ROBO1: variants seen among roughly 807,000 people sequenced by gnomAD.
The protein encoded by ROBO1 is roundabout guidance receptor 1, also known as roundabout homolog 1.
In ROBO1, 149 loss-of-function variants were observed where a neutral mutation model predicts 195.9. The ratio of observed to expected loss-of-function variants is 0.76; its 90% confidence interval spans 0.67 to 0.87. The LOEUF is 0.87. Ranked by LOEUF, ROBO1 falls within the 40% of genes least tolerant of loss-of-function variation. The pLI is 0.00. For synonymous variants in ROBO1, 816 were observed against 733.2 expected (o/e 1.11, Z -1.82); for missense variants, 1,933 against 2,068.3 (o/e 0.93, Z 1.27).
intron 5 of ROBO1, among the ~76,000 whole-genome samples, chr3:78,719,379 A>G (rs2081986265): frequency 6.6e-6 from 1 of 152,176 alleles, no homozygotes; most frequent in Non-Finnish European, 1.5e-5. Flanking sequence ...ATAGAGAAAT[A>G]TAAAGAAAAC....
chr3:78,647,678 A>G (rs2107602078), intron 19 of ROBO1, 23 bp from the exon 20 acceptor site: 1 of 1,602,156 alleles, frequency 6.2e-7, no homozygotes, highest in Admixed American at 1.7e-5. Context: ...AACAAAATAT[A>G]AACCAGTTAT....
At chr3:79,709,549 CAAT>C (rs1702191686) in intron 1 of ROBO1, among the ~76,000 whole-genome samples, 1 of 152,020 alleles carries the variant, frequency 6.6e-6, no homozygotes, top group Non-Finnish European at 1.5e-5. Flanking sequence ...CTGATATCAA[CAAT>C]GACATTAATA....
chr3:79,205,540 T>C (rs747295541), intron 2 of ROBO1, among the ~76,000 whole-genome samples: 9 of 152,184 alleles, frequency 5.9e-5, no homozygotes, highest in Non-Finnish European at 1.0e-4. Context: ...TACCCAGAAG[T>C]AGACTCTATT....
At chr3:79,611,154 A>C (rs1019448132) in intron 1 of ROBO1, among the ~76,000 whole-genome samples, 10 of 151,960 alleles carry the variant, frequency 6.6e-5, no homozygotes, top group African/African-American at 2.4e-4. Context: ...GGGAAGGTAC[A>C]AACTTATCAA....
intron 2 of ROBO1, among the ~76,000 whole-genome samples, chr3:79,133,758 C>T (rs1445843033): frequency 7.9e-6 from 1 of 126,012 alleles, no homozygotes; most frequent in Non-Finnish European, 1.6e-5. Context: ...AGGAGAGGCG[C>T]TCTGCGTTTT....
chr3:79,121,767 T>C (rs1171749978), intron 3 of ROBO1, among the ~76,000 whole-genome samples: 1 of 152,018 alleles, frequency 6.6e-6, no homozygotes, highest in Non-Finnish European at 1.5e-5. Context: ...GGGTATATTT[T>C]AGACATTTCA....
chr3:79,081,848 G>A (rs1309950436), intron 3 of ROBO1, among the ~76,000 whole-genome samples: 1 of 152,060 alleles, frequency 6.6e-6, no homozygotes, highest in Non-Finnish European at 1.5e-5. Context: ...TTGATGCAAC[G>A]TCAAGAAAAT....
intron 7 of ROBO1, chr3:78,714,735 A>G: frequency 2.4e-6 from 1 of 417,624 alleles, no homozygotes; most frequent in Non-Finnish European, 4.2e-6. Flanking sequence ...TTTCTAAAAG[A>G]ACATTTTGGG....
chr3:79,564,584 C>T lies in ROBO1; in HGVS notation c.88+25240G>A, dbSNP rs148754580. 1.2e-3 allele frequency among the ~76,000 whole-genome samples: 188 copies of T among 152,034 alleles called. 1 individual carries two copies. The highest frequency in any genetic ancestry group is 4.2e-3 in the African/African-American group (176 of 41,472). ...TTGAATGTGGGTGAACTTAATGATGCTATTATAAATGCTGTATTATAATTA... is the reference window on the plus strand; with the variant it reads ...TTGAATGTGGGTGAACTTAATGATGTTATTATAAATGCTGTATTATAATTA... On this transcript the variant is annotated intron_variant, in intron 2 of 30. Transcript: ENST00000464233.
intron 2 of ROBO1, among the ~76,000 whole-genome samples, chr3:79,502,268 GGCGGGAACCGGGGCTGCGCGCGGCGCTT>G (rs1164500600): frequency 2.6e-5 from 4 of 152,168 alleles, no homozygotes; most frequent in Non-Finnish European, 5.9e-5. Context: ...GAGATGCGCG[GGCGGGAACCGGGGCTGCGCGCGGCGCTT>G]GCGGGCCAGC....
intron 2 of ROBO1, among the ~76,000 whole-genome samples, chr3:79,161,800 T>C (rs2080971722): frequency 6.6e-6 from 1 of 152,106 alleles, no homozygotes; most frequent in African/African-American, 2.4e-5. Context: ...ACACTCATTG[T>C]TAGATAGAAG....
In ROBO1 at chr3:78,598,121, T is replaced by C. The variant is rs1321536347; in HGVS notation, c.*792A>G. On this transcript the variant is annotated 3_prime_UTR_variant, in exon 31 of 31. Transcript: ENST00000464233. ...TTGGTCATTAAAAACATCCACTTGTTTGTAATACGTATTTATAATTACTTT... is the reference window on the plus strand; with the variant it reads ...TTGGTCATTAAAAACATCCACTTGTCTGTAATACGTATTTATAATTACTTT... 2.0e-5 allele frequency: 3 copies of C among 152,634 alleles called. No individual in the cohort carries two copies. The highest frequency in any genetic ancestry group is 7.2e-5 in the African/African-American group (3 of 41,458). The allele number at this position is 152,634 out of a possible 1,614,324, so 9.5% of individuals were successfully genotyped here.
chr3:79,242,891 T>C, intron 2 of ROBO1, among the ~76,000 whole-genome samples: 1 of 152,100 alleles, frequency 6.6e-6, no homozygotes, highest in South Asian at 2.1e-4. Flanking sequence ...TGCAGGTTTG[T>C]TACATATGTA....
intron 2 of ROBO1, among the ~76,000 whole-genome samples, chr3:79,340,835 AG>A (rs1252958478): frequency 6.6e-6 from 1 of 152,198 alleles, no homozygotes; most frequent in African/African-American, 2.4e-5. Context: ...TGCAAAGGTG[AG>A]GAGGCTAGCC....
chr3:79,254,249 A>G (rs566453177), intron 2 of ROBO1, among the ~76,000 whole-genome samples: 1 of 152,332 alleles, frequency 6.6e-6, no homozygotes, highest in South Asian at 2.1e-4. Context: ...ATTTTTATCG[A>G]TATATATGCA....
intron 4 of ROBO1, among the ~76,000 whole-genome samples, chr3:78,926,126 C>A (rs1424445299): frequency 6.6e-6 from 1 of 152,108 alleles, no homozygotes; most frequent in Non-Finnish European, 1.5e-5. Flanking sequence ...GCCTCAGCCT[C>A]CCAAAGTGCT....
intron 3 of ROBO1, among the ~76,000 whole-genome samples, chr3:78,945,604 C>T (rs2107732623): frequency 6.6e-6 from 1 of 152,230 alleles, no homozygotes; most frequent in African/African-American, 2.4e-5. Context: ...CTCTAAAAAT[C>T]AGAGCGCCTC....
At chr3:79,671,638 A>G (rs995064868) in intron 1 of ROBO1, among the ~76,000 whole-genome samples, 6 of 151,916 alleles carry the variant, frequency 3.9e-5, no homozygotes, top group Non-Finnish European at 5.9e-5. Context: ...GAACTTACAT[A>G]GAAATGTAAT....
At chr3:79,455,256 C>T (rs2039580119) in intron 2 of ROBO1, among the ~76,000 whole-genome samples, 1 of 152,048 alleles carries the variant, frequency 6.6e-6, no homozygotes, top group Admixed American at 6.6e-5. Flanking sequence ...TAACACTTAC[C>T]TCTGTGGAAT....
Sources: allele counts gnomAD v4.1 joint callset (sites outside exome capture counted in the v4.1 genomes callset), GRCh38; gene constraint gnomAD v4.1.1; transcripts MANE v1.5; gene names NCBI Gene and HGNC (gene_info 2026-07-23, HGNC 2026-07-21).